The following LRP1B variants were observed in gnomAD, a reference collection of about 807,000 sequenced individuals.
LRP1B encodes low-density lipoprotein receptor-related protein 1B.
In LRP1B, 217 loss-of-function variants were observed where a neutral mutation model predicts 556.6. The observed-to-expected ratio is 0.39, with a 90% CI of 0.35 to 0.44. The LOEUF (loss-of-function observed/expected upper bound fraction) is 0.44, where lower values mean the gene tolerates loss of function less well. Ranked by LOEUF, LRP1B falls within the 20% of genes least tolerant of loss-of-function variation. The probability of loss-of-function intolerance (pLI) is 1.00; values close to 1 mark genes in which losing one functional copy is unlikely to be tolerated. For missense variants in LRP1B, 5,053 were observed against 5,620.8 expected (o/e 0.90, Z 3.23); for synonymous variants, 2,047 against 1,865.8 (o/e 1.10, Z -2.50).
At chr2:141,482,945 T>C in intron 2 of LRP1B, among the ~76,000 whole-genome samples, 1 of 27,210 alleles carries the variant, frequency 3.7e-5, no homozygotes, top group African/African-American at 5.5e-5. Context: ...ATTTTTTGTT[T>C]TGTTTTGTTT....
chr2:140,796,650 G>T (rs900934598), intron 32 of LRP1B, among the ~76,000 whole-genome samples: 1 of 152,032 alleles, frequency 6.6e-6, no homozygotes, highest in African/African-American at 2.4e-5. Flanking sequence ...GAACATTTAG[G>T]TAGATGTATT....
At chr2:140,272,400 G>C (rs1558762090) in intron 85 of LRP1B, among the ~76,000 whole-genome samples, 1 of 151,796 alleles carries the variant, frequency 6.6e-6, no homozygotes, top group South Asian at 2.1e-4. Flanking sequence ...GGTTATTCAA[G>C]ATTATGATCA....
chr2:141,275,987 G>C (rs1685270250), intron 3 of LRP1B, among the ~76,000 whole-genome samples: 1 of 151,856 alleles, frequency 6.6e-6, no homozygotes, highest in Non-Finnish European at 1.5e-5. Context: ...AAACCAGATG[G>C]CCTCTCTATA....
intron 1 of LRP1B, among the ~76,000 whole-genome samples, chr2:142,055,703 A>T (rs1412103967): frequency 1.3e-5 from 2 of 152,168 alleles, no homozygotes; most frequent in African/African-American, 2.4e-5. Context: ...TCACAATGTC[A>T]TCCACATGTC....
intron 3 of LRP1B, among the ~76,000 whole-genome samples, chr2:141,293,013 A>G (rs1481358862): frequency 6.6e-6 from 1 of 152,132 alleles, no homozygotes; most frequent in Admixed American, 6.5e-5. Flanking sequence ...TCTACGTACT[A>G]TCTTCTCAAT....
chr2:142,044,628 T>A (rs1273437135), intron 1 of LRP1B, among the ~76,000 whole-genome samples: 1 of 151,782 alleles, frequency 6.6e-6, no homozygotes, highest in Non-Finnish European at 1.5e-5. Context: ...AAAGCAAATT[T>A]TTTTTTGTGG....
chr2:140,603,953 T>C (rs1463217291), intron 41 of LRP1B, among the ~76,000 whole-genome samples: 1 of 152,126 alleles, frequency 6.6e-6, no homozygotes, highest in Non-Finnish European at 1.5e-5. Flanking sequence ...ATGTGGCATG[T>C]ATATGTGTGT....
chr2:140,871,996 G>T (rs1275483725), intron 25 of LRP1B, among the ~76,000 whole-genome samples: 1 of 149,196 alleles, frequency 6.7e-6, no homozygotes, highest in Non-Finnish European at 1.5e-5. Flanking sequence ...ATGTGTATGT[G>T]TCTATGTGTG....
At chr2:141,096,629 G>GAGAGAGAGAGAGAGAGAGAGAGAGAGA (rs1558858138) in intron 7 of LRP1B, among the ~76,000 whole-genome samples, 1 of 59,742 alleles carries the variant, frequency 1.7e-5, no homozygotes, top group African/African-American at 7.3e-5. Flanking sequence ...GGGGAGAGGG[G>GAGAGAGAGAGAGAGAGAGAGAGAGAGA]GAGAGAGAGA....
At chr2:140,443,224 C>A (rs1462589635) in intron 65 of LRP1B, among the ~76,000 whole-genome samples, 1 of 152,098 alleles carries the variant, frequency 6.6e-6, no homozygotes, top group Admixed American at 6.6e-5. Context: ...CTGCGCCCAG[C>A]TAATTTTTGT....
At chr2:140,877,051 A>AT (rs889225882) in intron 25 of LRP1B, among the ~76,000 whole-genome samples, 44 of 151,696 alleles carry the variant, frequency 2.9e-4, no homozygotes, top group Admixed American at 1.5e-3. Flanking sequence ...TAATGCTTTC[A>AT]TTTTTTTTCC....
intron 6 of LRP1B, among the ~76,000 whole-genome samples, chr2:141,203,417 CA>C (rs1682129802): frequency 6.6e-6 from 1 of 151,242 alleles, no homozygotes. Context: ...GACTTTAAAG[CA>C]ATAAAGATCA....
intron 57 of LRP1B, among the ~76,000 whole-genome samples, chr2:140,489,117 G>T (rs73961417): frequency 0.041 from 6,264 of 152,066 alleles, 324 homozygotes; most frequent in African/African-American, 0.13. Context: ...AATAAGAGAA[G>T]GTTCTGGCAA....
intron 2 of LRP1B, among the ~76,000 whole-genome samples, chr2:141,549,872 A>T (rs373849884): frequency 6.6e-6 from 1 of 152,050 alleles, no homozygotes. Flanking sequence ...GTGCATGCCC[A>T]TAATCCCAGC....
At chr2:141,334,986 CT>C (rs1687793046) in intron 3 of LRP1B, among the ~76,000 whole-genome samples, 1 of 152,162 alleles carries the variant, frequency 6.6e-6, no homozygotes, top group African/African-American at 2.4e-5. Flanking sequence ...ATATCTTATA[CT>C]TTTTTCAGTT....
At chr2:142,027,681 C>T (rs971049070) in intron 1 of LRP1B, among the ~76,000 whole-genome samples, 3 of 151,052 alleles carry the variant, frequency 2.0e-5, no homozygotes, top group South Asian at 4.2e-4. Context: ...AAAACACACA[C>T]ACACACACAC....
intron 72 of LRP1B, 95 bp downstream of exon 72, chr2:140,364,566 A>G: frequency 7.0e-7 from 1 of 1,425,710 alleles, no homozygotes; most frequent in Non-Finnish European, 9.6e-7. Context: ...CCAGGATGGT[A>G]TAATTGGTAG....
intron 3 of LRP1B, among the ~76,000 whole-genome samples, chr2:141,465,152 T>C (rs984587801): frequency 6.6e-6 from 1 of 151,636 alleles, no homozygotes. Flanking sequence ...AAATCAATGT[T>C]AAAGTAGGGT....
intron 2 of LRP1B, among the ~76,000 whole-genome samples, chr2:141,577,581 A>G (rs1322819149): frequency 6.6e-6 from 1 of 152,166 alleles, no homozygotes; most frequent in Non-Finnish European, 1.5e-5. Context: ...GATGGAGGAT[A>G]TCCAAGCACC....
Sources: allele counts gnomAD v4.1 joint callset (sites outside exome capture counted in the v4.1 genomes callset), GRCh38; gene constraint gnomAD v4.1.1; transcripts MANE v1.5; gene names NCBI Gene and HGNC (gene_info 2026-07-23, HGNC 2026-07-21).